The following MPDZ variants were observed in gnomAD, a reference collection of about 807,000 sequenced individuals.
MPDZ encodes the protein multiple PDZ domain protein.
A neutral mutation model predicts 239.1 loss-of-function variants in MPDZ; 234 were observed. The observed-to-expected ratio is 0.98, with a 90% CI of 0.88 to 1.09. The LOEUF is 1.09. MPDZ is among the 50% of genes least tolerant of loss of function. The pLI, the probability that MPDZ is intolerant of heterozygous loss-of-function variation, is 0.00. For synonymous variants in MPDZ, 1,048 were observed against 881.3 expected, an observed-to-expected ratio of 1.19 and a Z score of -3.35; for missense variants, 3,175 against 2,510.0, an observed-to-expected ratio of 1.26 and a Z score of -5.66.
chr9:13,148,131 T>C (rs1044063557), intron 25 of MPDZ, among the ~76,000 whole-genome samples: 2 of 152,056 alleles, frequency 1.3e-5, no homozygotes, highest in African/African-American at 4.8e-5. Flanking sequence ...AAAATTCTGA[T>C]ATCCAGAAAA....
At chr9:13,203,013 T>C (rs1449194969) in intron 12 of MPDZ, among the ~76,000 whole-genome samples, 1 of 152,184 alleles carries the variant, frequency 6.6e-6, no homozygotes. Flanking sequence ...AGGAGCAAGA[T>C]GTTGTGCTGA....
chr9:13,208,825 C>T (rs1028475415), intron 10 of MPDZ, among the ~76,000 whole-genome samples: 1 of 152,068 alleles, frequency 6.6e-6, no homozygotes, highest in African/African-American at 2.4e-5. Flanking sequence ...GTTCCTTAAA[C>T]CTTCTATGAT....
At position 13,224,110 on chromosome 9, in the gene MPDZ, T is replaced by C. The variant is rs759496045; in HGVS notation, c.393+264A>G. Among the ~76,000 whole-genome samples the C allele has an allele frequency of 2.4e-4, 37 of 151,892 alleles. 1 individual carries two copies. Among genetic ancestry groups the C allele is most frequent in the Non-Finnish European group, 8.8e-5 (6 of 67,972 alleles). On this transcript the variant is annotated intron_variant, in intron 4 of 46. Transcript: ENST00000319217. The stretch of plus-strand genomic sequence containing the variant: ...ATTTCTTTGTTAAAAAAAAAAGAAA[T>C]TGAATAACATTTTTCCAAGGTAATT...
At chr9:13,199,756 T>A (rs1199602668) in intron 12 of MPDZ, among the ~76,000 whole-genome samples, 3 of 152,104 alleles carry the variant, frequency 2.0e-5, no homozygotes, top group Admixed American at 2.0e-4. Flanking sequence ...ATTTGATGTA[T>A]CCCATTTACT....
intron 10 of MPDZ, among the ~76,000 whole-genome samples, chr9:13,215,937 A>C (rs985043379): frequency 1.5e-5 from 2 of 137,452 alleles, no homozygotes; most frequent in African/African-American, 2.8e-5. Context: ...CCAGCAATTC[A>C]GCAATTTGTT....
In MPDZ at chr9:13,183,577, T is replaced by A; in HGVS notation, c.2490A>T (p.Thr830=). ...LFRADLALVG[T]NDADLVDEST... ...ATTCATCTACTAAGTCAGCATCATT[T>A]GTGCCCACCTAGAAACAAAACAATA... Residue 830 remains threonine, a synonymous_variant, in exon 19 of 47, where the codon ACA becomes ACT. Transcript: ENST00000319217. The A allele has an allele frequency of 6.2e-7, 1 of 1,612,162 alleles. No homozygotes were observed. Among genetic ancestry groups the A allele is most frequent in the Non-Finnish European group, 8.5e-7 (1 of 1,178,868 alleles).
At position 13,279,444 on chromosome 9, in the gene MPDZ, G is replaced by A. The variant is rs929150796; in HGVS notation, c.-102C>T. The A allele has an allele frequency of 2.0e-5, 3 of 148,286 alleles. No homozygotes were observed. The highest frequency in any genetic ancestry group is 4.5e-5 in the Non-Finnish European group (3 of 66,652). The allele number at this position is 148,286 out of a possible 1,614,324, so 9.2% of individuals were successfully genotyped here. ...CAGGGCCGCGACGCGAGGGGGCGGA[G>A]GACTGGGGAGCAGGGGTCGCCGGGG... On this transcript the variant is annotated 5_prime_UTR_variant, in exon 1 of 47. Transcript: ENST00000319217.
chr9:13,168,109 GT>G (rs1401417420), intron 22 of MPDZ, among the ~76,000 whole-genome samples: 1 of 152,018 alleles, frequency 6.6e-6, no homozygotes, highest in African/African-American at 2.4e-5. Context: ...CACTTCTATG[GT>G]TGTTGTAGAA....
intron 19 of MPDZ, among the ~76,000 whole-genome samples, chr9:13,178,819 G>T (rs1412673123): frequency 6.6e-6 from 1 of 152,162 alleles, no homozygotes; most frequent in Non-Finnish European, 1.5e-5. Flanking sequence ...TCGTGCAGAA[G>T]TTAAATTATT....
In MPDZ at chr9:13,119,634, T is replaced by C; in HGVS notation, c.5247A>G (p.Val1749=). 6.2e-7 allele frequency: 1 copy of C among 1,613,966 alleles called. No homozygotes were observed. Among genetic ancestry groups the C allele is most frequent in the South Asian group, 1.1e-5 (1 of 91,082 alleles). ...SIVGKRNDTG[V]FVSDIVKGGI... is the part of the protein sequence containing the mutation. Reference sequence around the variant, plus strand: ...CTCCTTTGACAATGTCTGACACAAATACTCCAGTATCGTTTCTACACACAA... The same window carrying C: ...CTCCTTTGACAATGTCTGACACAAACACTCCAGTATCGTTTCTACACACAA... The change falls in exon 39 of 47, where the codon GTA becomes GTG. Residue 1749 remains valine (V), a synonymous_variant. Coordinates refer to ENST00000319217, the MANE Select transcript of MPDZ (RefSeq NM_001378778.1).
Position 13,138,025 on chromosome 9 carries a change from C to T in MPDZ, c.4132G>A (p.Val1378Met). 1 of 1,613,866 alleles carries T rather than the reference C, an allele frequency of 6.2e-7. No homozygotes were observed. The highest frequency in any genetic ancestry group is 8.5e-7 in the Non-Finnish European group (1 of 1,179,796). Residue 1378 changes from valine (V) to methionine (M), a missense_variant, in exon 29 of 47, where the codon GTG becomes ATG. Val to Met is a conservative substitution (Grantham distance 21). Transcript: ENST00000319217. ...GCAGCTCCATTTGGATCAATCCCCA[C>T]TATGAAGACACTCATCCTGGATCGG... Reference protein sequence around the residue: ...KDRSRMSVFIVGIDPNGAAGK... With the variant: ...KDRSRMSVFIMGIDPNGAAGK...
At chr9:13,167,914 T>C (rs976050985) in intron 22 of MPDZ, among the ~76,000 whole-genome samples, 4 of 152,146 alleles carry the variant, frequency 2.6e-5, no homozygotes, top group African/African-American at 4.8e-5. Context: ...ACGGTAAGTT[T>C]TGGGTCAGAT....
At chr9:13,270,646 A>G (rs952507674) in intron 1 of MPDZ, among the ~76,000 whole-genome samples, 4 of 152,300 alleles carry the variant, frequency 2.6e-5, no homozygotes, top group African/African-American at 9.6e-5. Context: ...GGGTTAAACA[A>G]AATATATTAT....
chr9:13,172,208 G>A (rs768849716), intron 21 of MPDZ, among the ~76,000 whole-genome samples: 75 of 152,002 alleles, frequency 4.9e-4, no homozygotes, highest in Non-Finnish European at 4.0e-4. Context: ...AACCTCACTG[G>A]GTCCCAGGAA....
intron 36 of MPDZ, 42 bp from the exon 37 acceptor site, chr9:13,122,212 C>T (rs753321145): frequency 3.9e-6 from 6 of 1,553,528 alleles, no homozygotes; most frequent in Non-Finnish European, 5.3e-6. Flanking sequence ...ATCCCATTCT[C>T]CTAGGAATGG....
intron 46 of MPDZ, among the ~76,000 whole-genome samples, chr9:13,107,891 T>G (rs1338880589): frequency 2.6e-5 from 4 of 152,194 alleles, no homozygotes; most frequent in Admixed American, 2.6e-4. Flanking sequence ...CTAACTAGCA[T>G]GCCTTAAATA....
chr9:13,258,042 G>T (rs1339903261), intron 1 of MPDZ, among the ~76,000 whole-genome samples: 1 of 152,180 alleles, frequency 6.6e-6, no homozygotes, highest in African/African-American at 2.4e-5. Flanking sequence ...GATTTTACCT[G>T]TGACCATATG....
At chr9:13,254,716 G>A (rs1028638149) in intron 1 of MPDZ, among the ~76,000 whole-genome samples, 3 of 152,148 alleles carry the variant, frequency 2.0e-5, no homozygotes, top group South Asian at 2.1e-4. Context: ...ACACTACACT[G>A]TAGTCTATTA....
chr9:13,130,856 A>G (rs1415339211), intron 32 of MPDZ, among the ~76,000 whole-genome samples: 1 of 152,174 alleles, frequency 6.6e-6, no homozygotes, highest in Non-Finnish European at 1.5e-5. Flanking sequence ...AGGAACATAC[A>G]GGCATTTCAG....
Sources: allele counts gnomAD v4.1 joint callset (sites outside exome capture counted in the v4.1 genomes callset), GRCh38; gene constraint gnomAD v4.1.1; transcripts MANE v1.5; gene names NCBI Gene and HGNC (gene_info 2026-07-23, HGNC 2026-07-21).